Variants in LUC7L3 observed in about 807,000 individuals in gnomAD.
LUC7L3 encodes the protein luc7-like protein 3.
Under a neutral mutation model 66.8 loss-of-function variants are expected in LUC7L3, and 6 were observed. The ratio of observed to expected loss-of-function variants is 0.09; its 90% confidence interval spans 0.05 to 0.18. The LOEUF (loss-of-function observed/expected upper bound fraction) is 0.18. LUC7L3 is among the 10% of genes least tolerant of loss of function. The pLI is 1.00. For missense variants in LUC7L3, 341 were observed against 531.1 expected (o/e 0.64, Z 3.52); for synonymous variants, 160 against 174.7 (o/e 0.92, Z 0.66).
Position 50,756,212 on chromosome 17 carries a change from G to A in LUC7L3, c.*5551G>A, listed in dbSNP as rs543413850. On this transcript the variant is annotated 3_prime_UTR_variant, in exon 10 of 10. Coordinates refer to ENST00000505658, the MANE Select transcript of LUC7L3 (RefSeq NM_016424.5). ...TTAATAAAATTTAAAAAGAAGAATG[G>A]GAAAAAAGTCTTGGTGTAGGTAGTT... 1 of 146,192 alleles carries A rather than the reference G, an allele frequency of 6.8e-6. No homozygotes were observed. The highest frequency in any genetic ancestry group is 2.2e-4 in the South Asian group (1 of 4,648). 9.1% of individuals were successfully genotyped at this position (146,192 alleles called of 1,614,324 possible). A position where few individuals can be genotyped will look rare whatever the true frequency, so the allele number is the denominator to read the frequency against.
chr17:50,736,359 C>T (rs892035393), intron 1 of LUC7L3, among the ~76,000 whole-genome samples: 1 of 152,090 alleles, frequency 6.6e-6, no homozygotes, highest in African/African-American at 2.4e-5. Flanking sequence ...CTGTGGGAAC[C>T]CACCAAGAGA....
At chr17:50,747,232 CT>C (rs757254602) in intron 9 of LUC7L3, among the ~76,000 whole-genome samples, 3 of 102,986 alleles carry the variant, frequency 2.9e-5, no homozygotes, top group African/African-American at 1.0e-4. Context: ...TTTTCTTTTT[CT>C]TTTTTTTTTT....
At chr17:50,741,342 C>G (rs1474437158) in intron 4 of LUC7L3, 96 bp downstream of exon 4, 13 of 1,239,472 alleles carry the variant, frequency 1.0e-5, no homozygotes, top group Non-Finnish European at 1.4e-5. Context: ...CTGTTCATTA[C>G]TTTGTTCTTT....
chr17:50,720,494 G>A (rs1271984924), intron 1 of LUC7L3, among the ~76,000 whole-genome samples: 1 of 152,172 alleles, frequency 6.6e-6, no homozygotes, highest in Non-Finnish European at 1.5e-5. Context: ...ACTTAAAAAG[G>A]CTCACCCAAA....
chr17:50,728,798 C>G (rs962179203), intron 1 of LUC7L3, among the ~76,000 whole-genome samples: 1 of 152,222 alleles, frequency 6.6e-6, no homozygotes, highest in African/African-American at 2.4e-5. Context: ...AAGTGATCTG[C>G]CTGCCTCGGC....
At position 50,753,237 on chromosome 17, in the gene LUC7L3, A is replaced by G. The variant is rs1239378949; in HGVS notation, c.*2576A>G. 6.6e-6 allele frequency: 1 copy of G among 152,620 alleles called. No individual in the cohort carries two copies. The highest frequency in any genetic ancestry group is 1.5e-5 in the Non-Finnish European group (1 of 68,036). 9.5% of individuals were successfully genotyped at this position (152,620 alleles called of 1,614,324 possible). ...GCTACGTATATACACACATACATATATATCATAGCAATTCCTTGTGGTTTA... is the reference window on the plus strand; with the variant it reads ...GCTACGTATATACACACATACATATGTATCATAGCAATTCCTTGTGGTTTA... On this transcript the variant is annotated 3_prime_UTR_variant, in exon 10 of 10. Coordinates refer to ENST00000505658, the MANE Select transcript of LUC7L3 (RefSeq NM_016424.5).
In LUC7L3 at chr17:50,748,783, A is replaced by G. The variant is rs546620800; in HGVS notation, c.1139-1718A>G. On this transcript the variant is annotated intron_variant, in intron 9 of 9. Transcript: ENST00000505658. ...TGGGTATGCTATGATAGAGTTAAAC[A>G]TTGGAATCTCTTTTAGAAGTGATAT... Among the ~76,000 whole-genome samples, 12 of 152,284 alleles carry G rather than the reference A, an allele frequency of 7.9e-5. No individual in the cohort carries two copies. The South Asian group carries it at 1.7e-3, about 21-fold the overall frequency.
intron 1 of LUC7L3, among the ~76,000 whole-genome samples, chr17:50,733,090 A>G (rs1056263979): frequency 2.6e-5 from 4 of 152,302 alleles, no homozygotes; most frequent in Middle Eastern, 3.4e-3. Flanking sequence ...GAAACACTTA[A>G]ATTGGTCATG....
At chr17:50,726,330 T>G (rs536613827) in intron 1 of LUC7L3, among the ~76,000 whole-genome samples, 1 of 152,160 alleles carries the variant, frequency 6.6e-6, no homozygotes, top group African/African-American at 2.4e-5. Flanking sequence ...TACCACCATG[T>G]CTGGCTAAGT....
Position 50,746,551 on chromosome 17 carries a change from T to A in LUC7L3, c.987T>A (p.Asp329Glu), listed in dbSNP as rs551789475. The A allele has an allele frequency of 4.6e-5, 74 of 1,612,426 alleles. No homozygotes were observed. The South Asian group carries it at 7.4e-4, about 16-fold the overall frequency. Residue 329 changes from aspartate to glutamate, a missense_variant, in exon 9 of 10, where the codon GAT (aspartate) becomes GAA (glutamate). Asp to Glu is a conservative substitution (Grantham distance 45). Transcript: ENST00000505658. ...SRERRRSRSR[D>E]RRRSRSHDRS... ...GTTTTAAATTATTAAGAAGTAGAGA[T>A]CGACGAAGAAGCAGAAGCCATGATC... is the stretch of plus-strand genomic sequence containing the variant.
At chr17:50,724,948 A>G (rs1969074206) in intron 1 of LUC7L3, among the ~76,000 whole-genome samples, 1 of 151,798 alleles carries the variant, frequency 6.6e-6, no homozygotes, top group Non-Finnish European at 1.5e-5. Flanking sequence ...TGTTGTAGAG[A>G]TGGGGTTTCA....
At chr17:50,733,801 A>G (rs1420186398) in intron 1 of LUC7L3, among the ~76,000 whole-genome samples, 2 of 152,232 alleles carry the variant, frequency 1.3e-5, no homozygotes, top group East Asian at 3.8e-4. Flanking sequence ...GATTCTGGCA[A>G]TAACTTTTAC....
chr17:50,733,009 G>A (rs1969724877), intron 1 of LUC7L3, among the ~76,000 whole-genome samples: 1 of 152,068 alleles, frequency 6.6e-6, no homozygotes, highest in South Asian at 2.1e-4. Context: ...GTGTTTATTC[G>A]TTTTTTTGTT....
At position 50,750,616 on chromosome 17, in the gene LUC7L3, G is replaced by GA; in HGVS notation, c.1255dup (p.Thr419AsnfsTer3). 1 of 1,614,028 alleles carries GA rather than the reference G, an allele frequency of 6.2e-7. No individual in the cohort carries two copies. Among genetic ancestry groups the GA allele is most frequent in the Non-Finnish European group, 8.5e-7 (1 of 1,179,990 alleles). On this transcript the variant is annotated frameshift_variant, in exon 10 of 10. Coordinates refer to ENST00000505658, the MANE Select transcript of LUC7L3 (RefSeq NM_016424.5). LOFTEE classifies it high-confidence loss of function. ...GTGATACTAAGAATGAGGTCAATGG[G>GA]ACCAGTGAAGACATTAAATCTGAAG...
rs916065489 is a variant in LUC7L3 at position 50,746,574 on chromosome 17, A to G, written c.1010A>G (p.Asp337Gly). 6 of 1,613,982 alleles carry G rather than the reference A, an allele frequency of 3.7e-6. No individual in the cohort carries two copies. In the Admixed American group the frequency reaches 1.0e-4, roughly 27 times the overall value. Reference protein sequence around the residue: ...SRDRRRSRSHDRSERKHRSRS... With the variant: ...SRDRRRSRSHGRSERKHRSRS... Reference sequence around the variant, plus strand: ...GATCGACGAAGAAGCAGAAGCCATGATCGATCAGAAAGAAAACACAGATCT... The same window carrying G: ...GATCGACGAAGAAGCAGAAGCCATGGTCGATCAGAAAGAAAACACAGATCT... The change falls in exon 9 of 10, where the codon GAT (aspartate) becomes GGT (glycine). Residue 337 changes from aspartate to glycine, a missense_variant. Physicochemically the swap from Asp to Gly is moderately conservative, Grantham distance 94. Coordinates refer to ENST00000505658, the MANE Select transcript of LUC7L3 (RefSeq NM_016424.5).
At chr17:50,727,008 G>C (rs929355782) in intron 1 of LUC7L3, among the ~76,000 whole-genome samples, 2 of 152,022 alleles carry the variant, frequency 1.3e-5, no homozygotes, top group Non-Finnish European at 1.5e-5. Flanking sequence ...AGAATTTCTT[G>C]AACCCGGGAG....
intron 9 of LUC7L3, among the ~76,000 whole-genome samples, chr17:50,750,090 C>T (rs1334004652): frequency 6.6e-6 from 1 of 152,108 alleles, no homozygotes; most frequent in Non-Finnish European, 1.5e-5. Flanking sequence ...TATAAACATT[C>T]AACTTTTTTT....
intron 1 of LUC7L3, among the ~76,000 whole-genome samples, chr17:50,725,440 G>A (rs1969115750): frequency 6.6e-6 from 1 of 152,034 alleles, no homozygotes. Context: ...TTGCTCTTAG[G>A]TAGATAACAG....
intron 1 of LUC7L3, among the ~76,000 whole-genome samples, chr17:50,724,585 G>A (rs1229424820): frequency 2.0e-5 from 3 of 147,634 alleles, no homozygotes; most frequent in African/African-American, 7.5e-5. Flanking sequence ...AAGGTATTTC[G>A]TAAATCTTTG....
Sources: allele counts gnomAD v4.1 joint callset (sites outside exome capture counted in the v4.1 genomes callset), GRCh38; gene constraint gnomAD v4.1.1; transcripts MANE v1.5; gene names NCBI Gene and HGNC (gene_info 2026-07-23, HGNC 2026-07-21).